SLC30A7: variants seen among roughly 807,000 people sequenced by gnomAD.
SLC30A7 encodes the protein zinc transporter 7.
A neutral mutation model predicts 46.0 loss-of-function variants in SLC30A7; 35 were observed. The observed-to-expected ratio is 0.76, with a 90% CI of 0.58 to 1.01. The LOEUF (loss-of-function observed/expected upper bound fraction) is 1.01, where lower values mean the gene tolerates loss of function less well. Ranked by LOEUF, SLC30A7 falls within the 50% of genes least tolerant of loss-of-function variation. The probability of loss-of-function intolerance (pLI) is 0.00; values close to 1 mark genes in which losing one functional copy is unlikely to be tolerated. For missense variants in SLC30A7, 464 were observed against 451.1 expected (o/e 1.03, Z -0.26); for synonymous variants, 147 against 157.8 (o/e 0.93, Z 0.51).
At chr1:100,993,194 A>G in the SLC30A7 span, among the ~76,000 whole-genome samples, 1 of 152,130 alleles carries the variant, frequency 6.6e-6, no homozygotes, top group African/African-American at 2.4e-5. Context: ...AGGTGATGGC[A>G]TACGTTTATT....
chr1:100,953,904 T>C (rs1655082232), intron 8 of SLC30A7, among the ~76,000 whole-genome samples: 2 of 152,252 alleles, frequency 1.3e-5, no homozygotes, highest in South Asian at 2.1e-4. Flanking sequence ...TATAATTCTT[T>C]CCAATGTATG....
At chr1:100,912,550 A>G (rs1221218025) in intron 5 of SLC30A7, among the ~76,000 whole-genome samples, 1 of 152,100 alleles carries the variant, frequency 6.6e-6, no homozygotes, top group Non-Finnish European at 1.5e-5. Context: ...TGGGCTGGGC[A>G]CAGTGGCTTA....
intron 6 of SLC30A7, among the ~76,000 whole-genome samples, chr1:100,915,487 G>C (rs752223087): frequency 4.6e-5 from 7 of 152,034 alleles, no homozygotes; most frequent in Non-Finnish European, 7.4e-5. Context: ...GTTGCTATGA[G>C]TTTGACTATT....
At chr1:100,960,947 GTTT>G (rs11354218) in intron 8 of SLC30A7, among the ~76,000 whole-genome samples, 10 of 86,322 alleles carry the variant, frequency 1.2e-4, no homozygotes, top group Admixed American at 1.3e-4. Context: ...TGTTTTGTGT[GTTT>G]TTTTTTTTTT....
intron 8 of SLC30A7, chr1:100,941,691 A>G: frequency 1.6e-6 from 1 of 642,362 alleles, no homozygotes. Flanking sequence ...CTCTTGAGAC[A>G]GCTCTCTTTG....
chr1:100,905,950 G>A (rs765081599), intron 2 of SLC30A7, among the ~76,000 whole-genome samples: 1 of 152,018 alleles, frequency 6.6e-6, no homozygotes, highest in Non-Finnish European at 1.5e-5. Context: ...TTTTGTCATT[G>A]AGTGCTGGAC....
At chr1:100,945,362 A>G (rs567547273) in intron 8 of SLC30A7, among the ~76,000 whole-genome samples, 1 of 152,258 alleles carries the variant, frequency 6.6e-6, no homozygotes, top group Admixed American at 6.5e-5. Flanking sequence ...GTCCTTGCCC[A>G]TGCTTATGTC....
intron 8 of SLC30A7, among the ~76,000 whole-genome samples, chr1:100,953,471 G>A (rs1413337960): frequency 6.6e-6 from 1 of 152,122 alleles, no homozygotes; most frequent in East Asian, 1.9e-4. Flanking sequence ...GTCTTAACAA[G>A]TACTTCTTGT....
intron 8 of SLC30A7, among the ~76,000 whole-genome samples, chr1:100,933,054 C>T (rs1653756332): frequency 1.3e-5 from 2 of 151,126 alleles, no homozygotes; most frequent in Admixed American, 1.3e-4. Context: ...CGGCTCACTG[C>T]AAGCTCTGCC....
chr1:100,967,644 G>T (rs927646972), intron 10 of SLC30A7, among the ~76,000 whole-genome samples: 3 of 152,188 alleles, frequency 2.0e-5, no homozygotes, highest in Non-Finnish European at 4.4e-5. Flanking sequence ...CGTTTCACTT[G>T]AATCTAACCA....
At position 100,896,242 on chromosome 1, in the gene SLC30A7, G is replaced by C. The variant is rs1650910467; in HGVS notation, c.-21G>C. Reference sequence around the variant, plus strand: ...CCACTTCTAGAGGGGAGTAGACCCGGCCCTTCGCCGGGCAGAGAAGATGTT... The same window carrying C: ...CCACTTCTAGAGGGGAGTAGACCCGCCCCTTCGCCGGGCAGAGAAGATGTT... On this transcript the variant is annotated 5_prime_UTR_variant, in exon 1 of 11. Coordinates refer to ENST00000357650, the MANE Select transcript of SLC30A7 (RefSeq NM_133496.5). The C allele has an allele frequency of 6.2e-7, 1 of 1,613,112 alleles. No homozygotes were observed. Among genetic ancestry groups the C allele is most frequent in the African/African-American group, 1.3e-5 (1 of 74,918 alleles).
chr1:100,945,499 A>G (rs1247409514), intron 8 of SLC30A7, among the ~76,000 whole-genome samples: 5 of 152,190 alleles, frequency 3.3e-5, no homozygotes, highest in African/African-American at 4.8e-5. Flanking sequence ...TCAGCTTTCT[A>G]CATATGGCTA....
intron 8 of SLC30A7, among the ~76,000 whole-genome samples, chr1:100,945,786 A>G (rs1014506193): frequency 2.6e-5 from 4 of 152,136 alleles, no homozygotes; most frequent in African/African-American, 9.7e-5. Flanking sequence ...TTTTGGTTCC[A>G]TATGGACTTT....
rs1320217402 is a variant in SLC30A7 at position 100,896,679 on chromosome 1, A to G, written c.182+8A>G. 6.2e-7 allele frequency: 1 copy of G among 1,612,082 alleles called. No homozygotes were observed. Among genetic ancestry groups the G allele is most frequent in the Non-Finnish European group, 8.5e-7 (1 of 1,178,470 alleles). ...CGGCATCTGGAGCAACTGGTAACCA[A>G]AGGGGAAAATGGTTTGGGCGGAAGC... On this transcript the variant is annotated splice_region_variant and intron_variant, in intron 2 of 10. Coordinates refer to ENST00000357650, the MANE Select transcript of SLC30A7 (RefSeq NM_133496.5).
chr1:100,961,880 C>A lies in SLC30A7; in HGVS notation c.895C>A (p.Pro299Thr). 1 of 1,608,076 alleles carries A rather than the reference C, an allele frequency of 6.2e-7. No homozygotes were observed. Among genetic ancestry groups the A allele is most frequent in the Non-Finnish European group, 8.5e-7 (1 of 1,176,198 alleles). ...SVGILMQRTPPLLENSLPQCY... is the reference protein window; with the variant it reads ...SVGILMQRTPTLLENSLPQCY... ...TGGAATATTAATGCAGAGAACTCCTCCCCTATTAGAAAATAGTCTGCCTCA... is the reference window on the plus strand; with the variant it reads ...TGGAATATTAATGCAGAGAACTCCTACCCTATTAGAAAATAGTCTGCCTCA... Residue 299 changes from proline to threonine, a missense_variant, in exon 9 of 11, where the codon CCC (proline) becomes ACC (threonine). Pro to Thr is a conservative substitution (Grantham distance 38). Transcript: ENST00000357650.
At chr1:100,941,484 C>G (rs1654345433) in intron 8 of SLC30A7, 2 of 479,918 alleles carry the variant, frequency 4.2e-6, no homozygotes, top group Non-Finnish European at 4.0e-6. Context: ...TTCAGAATGA[C>G]AGTCTTATCC....
At chr1:100,929,729 A>G (rs758069498) in intron 8 of SLC30A7, among the ~76,000 whole-genome samples, 15 of 151,666 alleles carry the variant, frequency 9.9e-5, no homozygotes, top group Non-Finnish European at 1.5e-4. Flanking sequence ...TTTTTTTTTC[A>G]ACATTTTCTA....
chr1:100,985,019 G>C (rs1344530987), downstream of SLC30A7, among the ~76,000 whole-genome samples: 1 of 152,076 alleles, frequency 6.6e-6, no homozygotes, highest in Non-Finnish European at 1.5e-5. Flanking sequence ...TTTTAGACCA[G>C]TAACCAAAAT....
intron 3 of SLC30A7, 104 bp from the exon 4 acceptor site, chr1:100,910,959 A>T (rs1652048104): frequency 1.2e-6 from 1 of 864,772 alleles, no homozygotes. Flanking sequence ...CTGGCCACTT[A>T]TAACCATGTA....
Sources: allele counts gnomAD v4.1 joint callset (sites outside exome capture counted in the v4.1 genomes callset), GRCh38; gene constraint gnomAD v4.1.1; transcripts MANE v1.5; gene names NCBI Gene and HGNC (gene_info 2026-07-23, HGNC 2026-07-21).